Variants in DENND2B observed in about 807,000 individuals in gnomAD.
The protein encoded by DENND2B is DENN domain-containing protein 2B.
DENND2B carries 32 observed loss-of-function variants against 116.0 expected under a neutral mutation model. The observed-to-expected ratio is 0.28, with a 90% CI of 0.21 to 0.37. The LOEUF is 0.37. Ranked by LOEUF, DENND2B falls within the 10% of genes least tolerant of loss-of-function variation. DENND2B has a pLI of 1.00. For synonymous variants in DENND2B, 588 were observed against 583.9 expected (o/e 1.01, Z -0.10); for missense variants, 1,276 against 1,477.7 (o/e 0.86, Z 2.24).
chr11:8,710,468 C>T (rs1342489140), intron 11 of DENND2B, among the ~76,000 whole-genome samples: 1 of 152,008 alleles, frequency 6.6e-6, no homozygotes, highest in African/African-American at 2.4e-5. Flanking sequence ...TGCATATACA[C>T]ATACTGCTGG....
At chr11:8,721,573 A>G (rs1482138495) in intron 4 of DENND2B, among the ~76,000 whole-genome samples, 1 of 152,186 alleles carries the variant, frequency 6.6e-6, no homozygotes, top group African/African-American at 2.4e-5. Context: ...CACACAGGAC[A>G]GAAAGGGCCA....
intron 1 of DENND2B, among the ~76,000 whole-genome samples, chr11:8,793,955 C>T (rs1231679625): frequency 6.6e-6 from 1 of 151,968 alleles, no homozygotes; most frequent in African/African-American, 2.4e-5. Context: ...ATCTTTATGG[C>T]TCAAGGATGT....
intron 14 of DENND2B, among the ~76,000 whole-genome samples, chr11:8,700,337 G>T (rs1309010877): frequency 2.6e-5 from 4 of 152,208 alleles, no homozygotes; most frequent in Non-Finnish European, 5.9e-5. Flanking sequence ...ACACCTAGAA[G>T]TGTGAGACAC....
At chr11:8,801,250 G>A (rs1337451502) in intron 1 of DENND2B, among the ~76,000 whole-genome samples, 1 of 152,090 alleles carries the variant, frequency 6.6e-6, no homozygotes, top group Non-Finnish European at 1.5e-5. Context: ...GCAAGGTACA[G>A]GAGCTCCGAT....
chr11:8,910,488 G>C (rs984408948), intron 1 of DENND2B, among the ~76,000 whole-genome samples: 1 of 151,988 alleles, frequency 6.6e-6, no homozygotes, highest in Admixed American at 6.6e-5. Context: ...CCGCTTCCCG[G>C]GTTCAAGCGA....
At chr11:8,778,329 T>C (rs1362105593) in intron 1 of DENND2B, among the ~76,000 whole-genome samples, 1 of 152,098 alleles carries the variant, frequency 6.6e-6, no homozygotes, top group Non-Finnish European at 1.5e-5. Flanking sequence ...AGCCACCCCT[T>C]ACACTACACC....
intron 1 of DENND2B, among the ~76,000 whole-genome samples, chr11:8,751,025 G>A (rs1015165051): frequency 1.3e-5 from 2 of 151,678 alleles, no homozygotes; most frequent in African/African-American, 4.9e-5. Context: ...AGGGTTTGTG[G>A]ATGCACCAAT....
At chr11:8,738,489 T>C (rs984278348) in intron 2 of DENND2B, among the ~76,000 whole-genome samples, 1 of 152,132 alleles carries the variant, frequency 6.6e-6, no homozygotes, top group African/African-American at 2.4e-5. Flanking sequence ...TTTGTTCCCC[T>C]CCTGCTTCAA....
intron 3 of DENND2B, among the ~76,000 whole-genome samples, chr11:8,852,552 T>C (rs1373881149): frequency 6.6e-6 from 1 of 152,184 alleles, no homozygotes; most frequent in Non-Finnish European, 1.5e-5. Context: ...ATGTGGATAC[T>C]GTCTGGGAAG....
chr11:8,712,621 A>G lies in DENND2B; in HGVS notation c.2102T>C (p.Val701Ala). 1 of 1,568,024 alleles carries G rather than the reference A, an allele frequency of 6.4e-7. No individual in the cohort carries two copies. The highest frequency in any genetic ancestry group is 8.7e-7 in the Non-Finnish European group (1 of 1,155,794). ...TGGCTTCTTCTTGAGGGACACCACC[A>G]CAAAGTACTCAAAAAGCTCCCGCTC... ...WQERELFEYF[V>A]VVSLKKKPSR... The change falls in exon 9 of 20, where the codon GTG (valine) becomes GCG (alanine). Residue 701 changes from valine (V) to alanine (A), a missense_variant. Val to Ala is a moderately conservative substitution (Grantham distance 64). Around this residue, in one of 2 missense-constraint regions of DENND2B, gnomAD observed 420 missense variants for 631.1 expected, o/e 0.67. Transcript: ENST00000313726. The surrounding 1 kb of genome is among the most constrained non-coding windows in gnomAD (Gnocchi z 4.4).
chr11:8,818,262 CTAATAA>C (rs58590869), intron 4 of DENND2B, among the ~76,000 whole-genome samples: 2 of 145,946 alleles, frequency 1.4e-5, no homozygotes, highest in South Asian at 4.6e-4. Context: ...GACTCTGTCT[CTAATAA>C]TAATAATAAT....
upstream of DENND2B, among the ~76,000 whole-genome samples, chr11:8,872,382 A>C (rs771224375): frequency 5.3e-5 from 8 of 151,326 alleles, no homozygotes; most frequent in Non-Finnish European, 1.0e-4. Flanking sequence ...GCTACTAGGG[A>C]GCCTTGAGGC....
chr11:8,859,469 G>A (rs2063320610), intron 2 of DENND2B, among the ~76,000 whole-genome samples: 1 of 152,130 alleles, frequency 6.6e-6, no homozygotes, highest in Admixed American at 6.5e-5. Context: ...CATCGCGCCC[G>A]GCTAATTTTT....
intron 1 of DENND2B, among the ~76,000 whole-genome samples, chr11:8,900,689 G>A (rs1040251517): frequency 1.4e-4 from 21 of 151,122 alleles, no homozygotes; most frequent in Admixed American, 3.3e-4. Context: ...TTTAAAGGCC[G>A]GGTGCGGTGG....
chr11:8,822,556 T>C (rs2061806083), intron 4 of DENND2B, among the ~76,000 whole-genome samples: 1 of 152,218 alleles, frequency 6.6e-6, no homozygotes. Context: ...ACGGAGCCAC[T>C]CCAACAAGGT....
chr11:8,832,781 T>C (rs1349594805), intron 4 of DENND2B, among the ~76,000 whole-genome samples: 1 of 152,192 alleles, frequency 6.6e-6, no homozygotes, highest in Non-Finnish European at 1.5e-5. Flanking sequence ...TTCTGGCAAT[T>C]CAGGGATGGT....
At chr11:8,761,596 T>G (rs552858191) in intron 1 of DENND2B, among the ~76,000 whole-genome samples, 2 of 152,286 alleles carry the variant, frequency 1.3e-5, no homozygotes, top group African/African-American at 4.8e-5. Context: ...TGATTTTCAG[T>G]GTCCCTTGCC....
intron 1 of DENND2B, among the ~76,000 whole-genome samples, chr11:8,778,908 A>C (rs1263833026): frequency 6.6e-6 from 1 of 152,270 alleles, no homozygotes; most frequent in African/African-American, 2.4e-5. Flanking sequence ...GCCCAGGCTA[A>C]GTTCTACTTT....
chr11:8,726,411 C>A, intron 3 of DENND2B: 1 of 583,886 alleles, frequency 1.7e-6, no homozygotes, highest in East Asian at 3.1e-5. Context: ...CTGCAATGTG[C>A]CTTATCCTGA....
Sources: allele counts gnomAD v4.1 joint callset (sites outside exome capture counted in the v4.1 genomes callset), GRCh38; gene constraint gnomAD v4.1.1; regional missense constraint gnomAD v4.1.1; non-coding constraint Gnocchi (gnomAD v3.1); transcripts MANE v1.5; gene names NCBI Gene and HGNC (gene_info 2026-07-23, HGNC 2026-07-21).